The following ATXN1 variants were observed in gnomAD, a reference collection of about 807,000 sequenced individuals.
The protein encoded by ATXN1 is ataxin 1, also known as ataxin-1.
ATXN1 carries 8 observed loss-of-function variants against 56.4 expected under a neutral mutation model. The ratio of observed to expected loss-of-function variants is 0.14; its 90% CI spans 0.08 to 0.26. The LOEUF (loss-of-function observed/expected upper bound fraction) is 0.26, where lower values mean the gene tolerates loss of function less well. Among genes scored for constraint, ATXN1 ranks in the 10% least tolerant of loss-of-function variants. The pLI is 1.00. For missense variants in ATXN1, 987 were observed against 1,106.5 expected (o/e 0.89, Z 1.53); for synonymous variants, 514 against 494.6 (o/e 1.04, Z -0.52).
chr6:16,343,343 CAAAT>C (rs151139733), intron 6 of ATXN1, among the ~76,000 whole-genome samples: 12 of 152,086 alleles, frequency 7.9e-5, no homozygotes, highest in African/African-American at 2.2e-4. Flanking sequence ...GACTCTGTCT[CAAAT>C]AAATAAATAA....
At chr6:16,467,006 C>T (rs902425563) in intron 6 of ATXN1, among the ~76,000 whole-genome samples, 16 of 152,092 alleles carry the variant, frequency 1.1e-4, no homozygotes, top group East Asian at 3.9e-4. Flanking sequence ...GGTGCAGCCT[C>T]GCATAACATA....
rs1033918902 is a variant in ATXN1 at position 16,585,766 on chromosome 6, T to C, written c.-361+14A>G. 7 of 152,182 alleles carry C rather than the reference T, an allele frequency of 4.6e-5. No homozygotes were observed. The highest frequency in any genetic ancestry group is 1.7e-4 in the African/African-American group (7 of 41,446). 9.4% of individuals were successfully genotyped at this position (152,182 alleles called of 1,614,324 possible). A position where few individuals can be genotyped will look rare whatever the true frequency, so the allele number is the denominator to read the frequency against. The stretch of plus-strand genomic sequence containing the variant: ...TGATAATTATTTTCCTTTAAAGCTT[T>C]TGGAGATGTTTACCTGTACCATGTG... On this transcript the variant is annotated intron_variant, in intron 4 of 7. Coordinates refer to ENST00000436367, the MANE Select transcript of ATXN1 (RefSeq NM_001128164.2).
intron 6 of ATXN1, among the ~76,000 whole-genome samples, chr6:16,475,214 C>T (rs551441437): frequency 6.6e-6 from 1 of 152,300 alleles, no homozygotes; most frequent in South Asian, 2.1e-4. Context: ...GTCACCTTCA[C>T]TGTCATAATT....
intron 4 of ATXN1, among the ~76,000 whole-genome samples, chr6:16,563,255 T>C (rs1409813815): frequency 6.6e-6 from 1 of 152,168 alleles, no homozygotes; most frequent in East Asian, 1.9e-4. Flanking sequence ...GAAATGTGAC[T>C]ATGAGCCCAC....
intron 2 of ATXN1, among the ~76,000 whole-genome samples, chr6:16,672,421 C>CT (rs1201157039): frequency 1.3e-5 from 2 of 152,144 alleles, no homozygotes; most frequent in Non-Finnish European, 2.9e-5. Context: ...TAGTAAATGC[C>CT]TTGGAGTCTG....
At chr6:16,536,901 A>G (rs1427638540) in intron 4 of ATXN1, among the ~76,000 whole-genome samples, 1 of 152,240 alleles carries the variant, frequency 6.6e-6, no homozygotes, top group African/African-American at 2.4e-5. Context: ...GGTCAAAGAT[A>G]CATCATTATT....
intron 3 of ATXN1, among the ~76,000 whole-genome samples, chr6:16,590,671 CTT>C (rs796851451): frequency 6.9e-6 from 1 of 145,242 alleles, no homozygotes; most frequent in African/African-American, 2.5e-5. Context: ...TCATAACATT[CTT>C]TTTTTTTTTT....
chr6:16,620,280 CA>C (rs1461288075), intron 3 of ATXN1, among the ~76,000 whole-genome samples: 5 of 149,696 alleles, frequency 3.3e-5, no homozygotes, highest in African/African-American at 1.3e-4. Context: ...CACACACACA[CA>C]CACACACACA....
chr6:16,648,948 A>G (rs1304599922), intron 3 of ATXN1, among the ~76,000 whole-genome samples: 5 of 151,874 alleles, frequency 3.3e-5, no homozygotes, highest in Admixed American at 1.3e-4. Context: ...TATTTTATAT[A>G]TGTATATACA....
At chr6:16,651,499 G>A (rs1763891889) in intron 3 of ATXN1, among the ~76,000 whole-genome samples, 1 of 151,428 alleles carries the variant, frequency 6.6e-6, no homozygotes, top group African/African-American at 2.4e-5. Flanking sequence ...AGCTGAGATG[G>A]TGCCACTGCA....
chr6:16,511,916 G>A (rs778161340), intron 5 of ATXN1, among the ~76,000 whole-genome samples: 6 of 152,190 alleles, frequency 3.9e-5, no homozygotes, highest in Non-Finnish European at 8.8e-5. Context: ...TTGCCACGAG[G>A]TGGCCTTCCA....
chr6:16,346,862 G>A (rs985353614), intron 6 of ATXN1, among the ~76,000 whole-genome samples: 1 of 152,256 alleles, frequency 6.6e-6, no homozygotes. Context: ...GGCTCCCTCA[G>A]CTTGCGCGGA....
At chr6:16,718,627 G>A (rs1252029522) in intron 2 of ATXN1, among the ~76,000 whole-genome samples, 2 of 152,210 alleles carry the variant, frequency 1.3e-5, no homozygotes, top group Admixed American at 1.3e-4. Context: ...AATATATTAT[G>A]CTCTTTGGTA....
At chr6:16,558,123 T>C (rs1307736927) in intron 4 of ATXN1, among the ~76,000 whole-genome samples, 3 of 151,886 alleles carry the variant, frequency 2.0e-5, no homozygotes, top group East Asian at 3.9e-4. Flanking sequence ...TATGAATAGA[T>C]TAAAAACCCA....
intron 2 of ATXN1, among the ~76,000 whole-genome samples, chr6:16,749,672 A>G (rs1285395193): frequency 6.6e-6 from 1 of 152,130 alleles, no homozygotes; most frequent in Non-Finnish European, 1.5e-5. Flanking sequence ...AAGGCAGACG[A>G]AGGCCATGCC....
intron 5 of ATXN1, among the ~76,000 whole-genome samples, chr6:16,513,525 C>G (rs1167764019): frequency 2.6e-5 from 4 of 152,140 alleles, no homozygotes; most frequent in Non-Finnish European, 4.4e-5. Flanking sequence ...GCACCTCCCC[C>G]GGAAAAGATA....
chr6:16,347,285 C>T (rs1237296852), intron 6 of ATXN1, among the ~76,000 whole-genome samples: 3 of 152,258 alleles, frequency 2.0e-5, no homozygotes, highest in Non-Finnish European at 2.9e-5. Context: ...CTAGGTGAAG[C>T]CAGCTGGGCT....
At chr6:16,745,200 G>T (rs140227809) in intron 2 of ATXN1, among the ~76,000 whole-genome samples, 2 of 152,322 alleles carry the variant, frequency 1.3e-5, no homozygotes, top group East Asian at 1.9e-4. Context: ...AATTGGTACA[G>T]CCTTTTAGAA....
At chr6:16,689,610 C>G (rs1408374814) in intron 2 of ATXN1, among the ~76,000 whole-genome samples, 1 of 149,504 alleles carries the variant, frequency 6.7e-6, no homozygotes, top group Non-Finnish European at 1.5e-5. Flanking sequence ...CCACCTTGGC[C>G]TAGATTTGTA....
Sources: gnomAD v4.1 joint callset for allele counts (sites outside exome capture counted in the v4.1 genomes callset) on GRCh38, gnomAD v4.1.1 for gene constraint, MANE v1.5 for transcripts, NCBI Gene and HGNC (gene_info 2026-07-23, HGNC 2026-07-21) for gene names.